The following TPO variants were observed in gnomAD, a reference collection of about 807,000 sequenced individuals.
TPO encodes the protein thyroid peroxidase.
In TPO, 78 loss-of-function variants were observed where a neutral mutation model predicts 96.9. The observed-to-expected ratio is 0.81, with a 90% CI of 0.67 to 0.97. The LOEUF (loss-of-function observed/expected upper bound fraction) is 0.97. Ranked by LOEUF, TPO falls within the 50% of genes least tolerant of loss-of-function variation. TPO has a pLI of 0.00. For missense variants in TPO, 1,252 were observed against 1,274.8 expected, an observed-to-expected ratio of 0.98 and a Z score of 0.27; for synonymous variants, 547 against 538.0, an observed-to-expected ratio of 1.02 and a Z score of -0.23.
chr2:1,494,095 G>C (rs1390538948), intron 11 of TPO, 56 bp downstream of exon 11: 3 of 1,571,502 alleles, frequency 1.9e-6, no homozygotes. Flanking sequence ...CAGGTGGTCT[G>C]CGTTGGTTCT....
intron 1 of TPO, among the ~76,000 whole-genome samples, chr2:1,379,913 C>A (rs1364349020): frequency 6.6e-6 from 1 of 152,040 alleles, no homozygotes. Context: ...TTTCCAAGAT[C>A]CAAGTACTGA....
intron 7 of TPO, among the ~76,000 whole-genome samples, chr2:1,459,272 C>T (rs1340552202): frequency 6.6e-6 from 1 of 152,020 alleles, no homozygotes; most frequent in Non-Finnish European, 1.5e-5. Flanking sequence ...CTGCCTCAGC[C>T]TCCCTAGTAG....
rs1265458728 is a variant in TPO, at chr2:1,538,030, TCCCCCCACTGTGTGCAACCTCCTCAAATC to T, written c.2619-2559_2619-2531del. On this transcript the variant is annotated intron_variant, in intron 15 of 16. Transcript: ENST00000329066. ...TCCCTCTACTGTGTGCCACCTCAAG[TCCCCCCACTGTGTGCAACCTCCTCAAATC>T]CCCCACACTGTGTGCAGCCTCCTCA... Among the ~76,000 whole-genome samples the T allele has an allele frequency of 7.7e-4, 52 of 67,342 alleles. 1 individual carries two copies. Among genetic ancestry groups the T allele is most frequent in the African/African-American group, 3.6e-3 (51 of 14,142 alleles). 44.2% of individuals were successfully genotyped at this position (67,342 alleles called of 152,430 possible).
chr2:1,442,941 T>A (rs913358196), intron 5 of TPO, among the ~76,000 whole-genome samples: 1 of 152,186 alleles, frequency 6.6e-6, no homozygotes, highest in Admixed American at 6.5e-5. Flanking sequence ...CTTTGAAAAA[T>A]TGCATTATTT....
At chr2:1,499,866 C>T (rs575942664) in intron 13 of TPO, among the ~76,000 whole-genome samples, 25 of 152,170 alleles carry the variant, frequency 1.6e-4, no homozygotes, top group African/African-American at 2.2e-4. Flanking sequence ...TGTGCCTCCA[C>T]GGTTTCAAAT....
intron 5 of TPO, among the ~76,000 whole-genome samples, chr2:1,453,257 C>T (rs554260761): frequency 1.4e-4 from 22 of 152,330 alleles, no homozygotes; most frequent in South Asian, 1.0e-3. Context: ...GGAACAGGCG[C>T]GACACCCTGG....
At chr2:1,434,322 T>C (rs1268204841) in intron 4 of TPO, among the ~76,000 whole-genome samples, 1 of 152,178 alleles carries the variant, frequency 6.6e-6, no homozygotes, top group Non-Finnish European at 1.5e-5. Flanking sequence ...GGCCTCTGAG[T>C]TCTTCCTTCT....
upstream of TPO, among the ~76,000 whole-genome samples, chr2:1,412,987 A>T (rs1428167961): frequency 6.6e-6 from 1 of 152,106 alleles, no homozygotes; most frequent in Non-Finnish European, 1.5e-5. Flanking sequence ...ACCTCAACAA[A>T]TTGGAAAAAA....
chr2:1,412,309 C>G (rs1248075592), upstream of TPO, among the ~76,000 whole-genome samples: 1 of 152,162 alleles, frequency 6.6e-6, no homozygotes, highest in Non-Finnish European at 1.5e-5. Context: ...TCTTCTGTTC[C>G]CAACAGTAAC....
At chr2:1,448,408 C>T (rs115234955) in intron 5 of TPO, among the ~76,000 whole-genome samples, 2,830 of 152,280 alleles carry the variant, frequency 0.019, 87 homozygotes, top group African/African-American at 0.065. Context: ...CTCCCTTCCC[C>T]GCCTGAGTCA....
chr2:1,484,754 G>T lies in TPO; in HGVS notation c.1497G>T (p.Pro499=), dbSNP rs776864359. The change falls in exon 9 of 17, where the codon CCG becomes CCT. Residue 499 remains proline, a synonymous_variant. Coordinates refer to ENST00000329066, the MANE Select transcript of TPO (RefSeq NM_001206744.2). ...AFRFGHATIH[P]LVRRLDASFQ... The stretch of plus-strand genomic sequence containing the variant: ...GCTTCGGCCATGCCACGATCCACCC[G>T]CTGGTGAGGAGGCTGGACGCCAGCT... The T allele has an allele frequency of 2.5e-6, 4 of 1,614,010 alleles. No homozygotes were observed. The highest frequency in any genetic ancestry group is 3.4e-6 in the Non-Finnish European group (4 of 1,180,018).
intron 3 of TPO, among the ~76,000 whole-genome samples, chr2:1,425,340 A>G (rs370657420): frequency 0.019 from 2,870 of 150,286 alleles, no homozygotes; most frequent in African/African-American, 0.066. Context: ...TCAGAAGTCC[A>G]TGCCCGTTCT....
intron 8 of TPO, among the ~76,000 whole-genome samples, chr2:1,478,702 T>C (rs1670232288): frequency 6.6e-6 from 1 of 152,234 alleles, no homozygotes; most frequent in Non-Finnish European, 1.5e-5. Flanking sequence ...CTCACTGTCC[T>C]AACACGCATC....
At chr2:1,401,831 GTGGGTAT>G (rs1662177117) in intron 1 of TPO, among the ~76,000 whole-genome samples, 3 of 152,188 alleles carry the variant, frequency 2.0e-5, no homozygotes, top group Non-Finnish European at 4.4e-5. Context: ...ACACACCCCT[GTGGGTAT>G]TTGTCTGACT....
intron 5 of TPO, among the ~76,000 whole-genome samples, chr2:1,444,362 G>A (rs1300829863): frequency 1.3e-5 from 2 of 151,820 alleles, no homozygotes; most frequent in African/African-American, 4.8e-5. Context: ...CGTGTTGGAA[G>A]GGAATGGAGC....
chr2:1,411,113 G>T (rs1406027423), upstream of TPO, among the ~76,000 whole-genome samples: 2 of 152,004 alleles, frequency 1.3e-5, no homozygotes, highest in African/African-American at 2.4e-5. Flanking sequence ...TATCCAGTGG[G>T]CCTCCTGCAA....
At chr2:1,474,281 C>T (rs889681705) in intron 7 of TPO, among the ~76,000 whole-genome samples, 52 of 152,194 alleles carry the variant, frequency 3.4e-4, no homozygotes, top group African/African-American at 1.2e-3. Flanking sequence ...CTGGAAAATA[C>T]AACTCTATTC....
Position 1,477,243 on chromosome 2 carries a change from C to T in TPO, c.977C>T (p.Ala326Val). The stretch of plus-strand genomic sequence containing the variant: ...AACGGGTTGACCTCGTTCCTGGACG[C>T]GTCCACCGTGTATGGCAGCTCCCCG... ...QMNGLTSFLD[A>V]STVYGSSPAL... is the part of the protein sequence containing the mutation. The change falls in exon 8 of 17, where the codon GCG becomes GTG. Residue 326 changes from alanine (A) to valine (V), a missense_variant. By Grantham distance (64) the Ala-to-Val change is moderately conservative (BLOSUM62 0). Coordinates refer to ENST00000329066, the MANE Select transcript of TPO (RefSeq NM_001206744.2). 4 of 1,608,304 alleles carry T rather than the reference C, an allele frequency of 2.5e-6. No individual in the cohort carries two copies. The highest frequency in any genetic ancestry group is 3.4e-6 in the Non-Finnish European group (4 of 1,178,392).
At chr2:1,389,770 A>T (rs13028831) in intron 1 of TPO, among the ~76,000 whole-genome samples, 3,916 of 152,162 alleles carry the variant, frequency 0.026, 82 homozygotes, top group Non-Finnish European at 0.043. Context: ...TTTCCACCTC[A>T]GATTAAAAGC....
Sources: allele counts gnomAD v4.1 joint callset (sites outside exome capture counted in the v4.1 genomes callset), GRCh38; gene constraint gnomAD v4.1.1; transcripts MANE v1.5; gene names NCBI Gene and HGNC (gene_info 2026-07-23, HGNC 2026-07-21).